The following FOXJ3 variants were observed in gnomAD, a reference collection of about 807,000 sequenced individuals.
The protein encoded by FOXJ3 is forkhead box protein J3.
Under a neutral mutation model 76.1 loss-of-function variants are expected in FOXJ3, and 22 were observed. The observed-to-expected ratio is 0.29, with a 90% CI of 0.21 to 0.41. The LOEUF is 0.41. Ranked by LOEUF, FOXJ3 falls within the 10% of genes least tolerant of loss-of-function variation. FOXJ3 has a pLI of 1.00. For synonymous variants in FOXJ3, 269 were observed against 261.2 expected (o/e 1.03, Z -0.29); for missense variants, 613 against 762.1 (o/e 0.80, Z 2.30).
intron 1 of FOXJ3, among the ~76,000 whole-genome samples, chr1:42,320,099 T>C (rs991414608): frequency 2.0e-5 from 3 of 151,980 alleles, no homozygotes; most frequent in African/African-American, 7.2e-5. Flanking sequence ...TAATAGAAGA[T>C]GAAAAAAAAT....
chr1:42,325,625 T>C (rs1170940834), intron 1 of FOXJ3, among the ~76,000 whole-genome samples: 2 of 152,204 alleles, frequency 1.3e-5, no homozygotes, highest in Non-Finnish European at 1.5e-5. Flanking sequence ...GCACTAACAA[T>C]TTGGTTTTTT....
chr1:42,199,021 A>G, intron 7 of FOXJ3, 81 bp downstream of exon 7: 2 of 1,157,222 alleles, frequency 1.7e-6, no homozygotes, highest in Non-Finnish European at 2.5e-6. Flanking sequence ...TTCATTTTTA[A>G]ATTTGCATTT....
chr1:42,181,635 C>G (rs1299886126), intron 12 of FOXJ3, among the ~76,000 whole-genome samples: 1 of 152,232 alleles, frequency 6.6e-6, no homozygotes, highest in African/African-American at 2.4e-5. Context: ...AATCCCTTTG[C>G]TAGCACAAGT....
intron 2 of FOXJ3, among the ~76,000 whole-genome samples, chr1:42,286,777 G>C (rs1365259906): frequency 6.6e-6 from 1 of 151,982 alleles, no homozygotes; most frequent in African/African-American, 2.4e-5. Flanking sequence ...GGGATTACAG[G>C]TGTGTGCCAC....
intron 3 of FOXJ3, among the ~76,000 whole-genome samples, chr1:42,268,472 C>A (rs1651635767): frequency 1.3e-5 from 2 of 151,446 alleles, no homozygotes; most frequent in South Asian, 4.2e-4. Flanking sequence ...ATGCAGATCA[C>A]AAAAATAAAT....
intron 8 of FOXJ3, among the ~76,000 whole-genome samples, chr1:42,192,471 T>C (rs932100437): frequency 6.6e-6 from 1 of 152,232 alleles, no homozygotes; most frequent in Non-Finnish European, 1.5e-5. Flanking sequence ...GAAACTATTA[T>C]TTCTAACACT....
chr1:42,228,582 A>C (rs1203565814), intron 4 of FOXJ3, among the ~76,000 whole-genome samples: 1 of 151,316 alleles, frequency 6.6e-6, no homozygotes, highest in African/African-American at 2.4e-5. Flanking sequence ...AAAAAAAAAA[A>C]CTTTGGAAAA....
intron 5 of FOXJ3, among the ~76,000 whole-genome samples, chr1:42,207,379 C>T (rs1160110485): frequency 6.6e-6 from 1 of 152,186 alleles, no homozygotes; most frequent in Admixed American, 6.5e-5. Flanking sequence ...CTCATATGTA[C>T]TGTTTAGAGT....
At chr1:42,198,986 AATTT>A (rs1164902341) in intron 7 of FOXJ3, 112 bp downstream of exon 7, 18 of 783,556 alleles carry the variant, frequency 2.3e-5, no homozygotes, top group Non-Finnish European at 3.5e-5. Context: ...TAAGTTAATA[AATTT>A]ATTAGTGAGA....
At chr1:42,312,995 A>T (rs557689584) in intron 1 of FOXJ3, among the ~76,000 whole-genome samples, 1 of 152,178 alleles carries the variant, frequency 6.6e-6, no homozygotes, top group Non-Finnish European at 1.5e-5. Flanking sequence ...GTCTTCCCTG[A>T]TATTTCACAA....
intron 6 of FOXJ3, 36 bp from the exon 7 acceptor site, chr1:42,199,266 A>T (rs1646712722): frequency 2.5e-6 from 4 of 1,575,530 alleles, no homozygotes; most frequent in Non-Finnish European, 3.5e-6. Context: ...ATTGAATATA[A>T]GGGTACTTCT....
At chr1:42,289,891 T>C (rs80152702) in intron 2 of FOXJ3, among the ~76,000 whole-genome samples, 1,902 of 152,256 alleles carry the variant, frequency 0.012, 36 homozygotes, top group African/African-American at 0.043. Context: ...CTGAGTCTTT[T>C]ACACAAAACC....
chr1:42,240,571 T>A (rs1024351492), intron 4 of FOXJ3, among the ~76,000 whole-genome samples: 2 of 152,244 alleles, frequency 1.3e-5, no homozygotes, highest in Admixed American at 6.5e-5. Context: ...TATATATTTA[T>A]GGTCAAATTG....
intron 1 of FOXJ3, among the ~76,000 whole-genome samples, chr1:42,318,926 A>G (rs1174390370): frequency 6.6e-6 from 1 of 152,200 alleles, no homozygotes; most frequent in Non-Finnish European, 1.5e-5. Flanking sequence ...GTATTAAATC[A>G]TAATAGCAAA....
At position 42,248,534 on chromosome 1, in the gene FOXJ3, C is replaced by CAA. The variant is rs4019586; in HGVS notation, c.444+16579_444+16580dup. Among the ~76,000 whole-genome samples the CAA allele has an allele frequency of 2.6e-3, 354 of 136,020 alleles. 2 individuals carry two copies. Among genetic ancestry groups the CAA allele is most frequent in the African/African-American group, 9.5e-3 (331 of 34,840 alleles). The allele number at this position is 136,020 out of a possible 152,430, so 89.2% of individuals were successfully genotyped here. On this transcript the variant is annotated intron_variant, in intron 4 of 12. Coordinates refer to ENST00000361346, the MANE Select transcript of FOXJ3 (RefSeq NM_014947.5). ...GGGCGACAGAGCAAGACTGCGTCTC[C>CAA]AAAAAAAAAAAAAAAAAAGACAACA...
chr1:42,202,479 G>GAA (rs1414244005), intron 6 of FOXJ3, among the ~76,000 whole-genome samples: 5 of 152,046 alleles, frequency 3.3e-5, no homozygotes, highest in Non-Finnish European at 5.9e-5. Flanking sequence ...AAACGTATAA[G>GAA]TTGCTGGTGG....
chr1:42,249,196 A>G (rs1033537748), intron 4 of FOXJ3, among the ~76,000 whole-genome samples: 1 of 152,176 alleles, frequency 6.6e-6, no homozygotes, highest in Non-Finnish European at 1.5e-5. Flanking sequence ...CAGTGCTGCA[A>G]TAAACATACA....
intron 11 of FOXJ3, among the ~76,000 whole-genome samples, chr1:42,188,079 T>C (rs1646472447): frequency 6.6e-6 from 1 of 152,138 alleles, no homozygotes; most frequent in African/African-American, 2.4e-5. Flanking sequence ...GCATAAAATG[T>C]AAAATCAATA....
At chr1:42,210,479 A>G (rs1237835544) in intron 5 of FOXJ3, among the ~76,000 whole-genome samples, 3 of 152,172 alleles carry the variant, frequency 2.0e-5, no homozygotes, top group African/African-American at 7.2e-5. Flanking sequence ...GAAGCCAACC[A>G]GCACAGCCCA....
Sources: gnomAD v4.1 joint callset for allele counts (sites outside exome capture counted in the v4.1 genomes callset) on GRCh38, gnomAD v4.1.1 for gene constraint, MANE v1.5 for transcripts, NCBI Gene and HGNC (gene_info 2026-07-23, HGNC 2026-07-21) for gene names.